The following ATP8B4 variants were observed in gnomAD, a reference collection of about 807,000 sequenced individuals.
ATP8B4 encodes ATPase phospholipid transporting 8B4 (putative), also known as probable phospholipid-transporting ATPase IM.
Under a neutral mutation model 145.6 loss-of-function variants are expected in ATP8B4, and 133 were observed. That is an observed-to-expected ratio of 0.91 (90% CI 0.79 to 1.05). ATP8B4 has a LOEUF of 1.05. ATP8B4 is among the 50% of genes least tolerant of loss of function. ATP8B4 has a pLI of 0.00. For missense variants in ATP8B4, 1,458 were observed against 1,425.2 expected, an observed-to-expected ratio of 1.02 and a Z score of -0.37; for synonymous variants, 507 against 492.9, an observed-to-expected ratio of 1.03 and a Z score of -0.38.
At chr15:50,058,596 A>T (rs958619757) in intron 3 of ATP8B4, among the ~76,000 whole-genome samples, 1 of 152,234 alleles carries the variant, frequency 6.6e-6, no homozygotes, top group Non-Finnish European at 1.5e-5. Context: ...AGAGTTCTAC[A>T]TAAATAACAC....
intron 1 of ATP8B4, among the ~76,000 whole-genome samples, chr15:50,158,518 C>T (rs1387107372): frequency 4.0e-4 from 57 of 143,530 alleles, no homozygotes; most frequent in Non-Finnish European, 6.5e-4. Context: ...CCGCCCAGTC[C>T]GGGAGGTGGG....
At chr15:50,055,180 G>A (rs576173433) in intron 3 of ATP8B4, among the ~76,000 whole-genome samples, 10 of 152,254 alleles carry the variant, frequency 6.6e-5, no homozygotes, top group African/African-American at 1.9e-4. Context: ...AACAAACTCC[G>A]CACTAAAAAT....
At chr15:49,967,357 G>C (rs1489343561) in intron 13 of ATP8B4, among the ~76,000 whole-genome samples, 1 of 152,142 alleles carries the variant, frequency 6.6e-6, no homozygotes, top group African/African-American at 2.4e-5. Flanking sequence ...CCAATGCAAG[G>C]AAGCTAAGAA....
chr15:49,887,448 C>G (rs2036326594), intron 23 of ATP8B4, among the ~76,000 whole-genome samples: 1 of 151,186 alleles, frequency 6.6e-6, no homozygotes, highest in Admixed American at 6.6e-5. Context: ...TAGGTCGACA[C>G]TCTGATTTTG....
intron 19 of ATP8B4, among the ~76,000 whole-genome samples, chr15:49,918,078 G>A (rs1311279175): frequency 6.6e-6 from 1 of 152,158 alleles, no homozygotes; most frequent in South Asian, 2.1e-4. Flanking sequence ...TTTTAACATA[G>A]GTGTATGCCA....
intron 2 of ATP8B4, among the ~76,000 whole-genome samples, chr15:50,080,126 T>C (rs921189097): frequency 6.6e-6 from 1 of 152,166 alleles, no homozygotes; most frequent in Non-Finnish European, 1.5e-5. Flanking sequence ...TGCTACTCCA[T>C]ATAGGATGAC....
At chr15:49,978,607 TGAG>T (rs1209392668) in intron 12 of ATP8B4, among the ~76,000 whole-genome samples, 1 of 152,126 alleles carries the variant, frequency 6.6e-6, no homozygotes, top group Admixed American at 6.6e-5. Flanking sequence ...GTACTGATGA[TGAG>T]AACTGTCAAC....
At chr15:50,170,863 G>A (rs1896172) in intron 1 of ATP8B4, among the ~76,000 whole-genome samples, 13,721 of 152,158 alleles carry the variant, frequency 0.09, 833 homozygotes, top group African/African-American at 0.16. Flanking sequence ...GGGGTGGAAA[G>A]AGGTGTTTCA....
chr15:50,150,493 C>G (rs530593362), intron 1 of ATP8B4, among the ~76,000 whole-genome samples: 1 of 151,824 alleles, frequency 6.6e-6, no homozygotes, highest in Non-Finnish European at 1.5e-5. Flanking sequence ...TCCCTCAGTA[C>G]CAGGATGGAT....
intron 6 of ATP8B4, among the ~76,000 whole-genome samples, chr15:50,028,666 A>G (rs919345139): frequency 1.3e-5 from 2 of 152,174 alleles, no homozygotes; most frequent in African/African-American, 2.4e-5. Context: ...GGAAAACACT[A>G]TATCTTATTA....
chr15:49,980,829 C>T (rs2046088020), intron 11 of ATP8B4, among the ~76,000 whole-genome samples: 1 of 152,194 alleles, frequency 6.6e-6, no homozygotes, highest in Non-Finnish European at 1.5e-5. Context: ...TTACACAGAT[C>T]ACACACCCGT....
intron 14 of ATP8B4, among the ~76,000 whole-genome samples, chr15:49,948,281 C>CA (rs35575312): frequency 0.3 from 33,488 of 112,204 alleles, 5,075 homozygotes; most frequent in Middle Eastern, 0.42. Context: ...ACTAAAAATA[C>CA]AAAAAAAAAA....
chr15:50,144,752 T>G (rs1199115787), intron 1 of ATP8B4, among the ~76,000 whole-genome samples: 1 of 85,312 alleles, frequency 1.2e-5, no homozygotes, highest in Non-Finnish European at 2.9e-5. Flanking sequence ...ATTACCCTTG[T>G]TTTTTTTTTT....
chr15:50,169,876 T>A (rs2044646616), intron 1 of ATP8B4, among the ~76,000 whole-genome samples: 1 of 152,114 alleles, frequency 6.6e-6, no homozygotes, highest in Non-Finnish European at 1.5e-5. Context: ...CTTTTAGAAA[T>A]GTGAAATGCT....
chr15:49,991,541 A>G (rs1350106690), intron 9 of ATP8B4, among the ~76,000 whole-genome samples: 2 of 152,214 alleles, frequency 1.3e-5, no homozygotes, highest in East Asian at 3.8e-4. Flanking sequence ...CTTTAACATG[A>G]AAATCAAGGC....
intron 14 of ATP8B4, among the ~76,000 whole-genome samples, chr15:49,940,344 T>C (rs1455890121): frequency 6.6e-6 from 1 of 152,048 alleles, no homozygotes; most frequent in Non-Finnish European, 1.5e-5. Context: ...GAGCTAAACA[T>C]TGGGTACACA....
At chr15:49,879,185 T>C (rs903766363) in intron 24 of ATP8B4, among the ~76,000 whole-genome samples, 191 bp downstream of exon 24, 1 of 152,080 alleles carries the variant, frequency 6.6e-6, no homozygotes, top group Non-Finnish European at 1.5e-5. Flanking sequence ...AAATAATGCT[T>C]TTGGGGAAGC....
intron 9 of ATP8B4, among the ~76,000 whole-genome samples, 195 bp downstream of exon 9, chr15:49,996,482 A>C (rs2047435188): frequency 6.6e-6 from 1 of 152,072 alleles, no homozygotes; most frequent in Non-Finnish European, 1.5e-5. Flanking sequence ...TGAACGATAA[A>C]CTGATAAAGC....
At chr15:50,017,609 T>A (rs575552096) in intron 6 of ATP8B4, among the ~76,000 whole-genome samples, 1 of 152,352 alleles carries the variant, frequency 6.6e-6, no homozygotes, top group East Asian at 1.9e-4. Context: ...ATAGTCTCAA[T>A]CAATTTGCCC....
Sources: allele counts gnomAD v4.1 joint callset (sites outside exome capture counted in the v4.1 genomes callset), GRCh38; gene constraint gnomAD v4.1.1; transcripts MANE v1.5; gene names NCBI Gene and HGNC (gene_info 2026-07-23, HGNC 2026-07-21).